Variants in RIN3 observed in about 807,000 individuals in gnomAD.
RIN3 encodes Ras and Rab interactor 3.
RIN3 carries 54 observed loss-of-function variants against 76.3 expected under a neutral mutation model. That is an observed-to-expected ratio of 0.71 (90% confidence interval 0.57 to 0.89). The LOEUF (loss-of-function observed/expected upper bound fraction) is 0.89. Among genes scored for constraint, RIN3 ranks in the 40% least tolerant of loss-of-function variants. The pLI is 0.00. For synonymous variants in RIN3, 576 were observed against 564.0 expected (o/e 1.02, Z -0.30); for missense variants, 1,256 against 1,322.1 (o/e 0.95, Z 0.78).
At chr14:92,533,800 T>G (rs984209820) in intron 1 of RIN3, among the ~76,000 whole-genome samples, 4 of 152,154 alleles carry the variant, frequency 2.6e-5, no homozygotes, top group Admixed American at 2.6e-4. Flanking sequence ...TACCAAAATC[T>G]CAGAAATCAC....
intron 4 of RIN3, among the ~76,000 whole-genome samples, chr14:92,635,487 T>C (rs773411518): frequency 3.9e-5 from 6 of 152,194 alleles, no homozygotes; most frequent in Non-Finnish European, 8.8e-5. Flanking sequence ...GTTTGGTAAA[T>C]TCTGTCATTT....
chr14:92,622,318 C>A (rs1566872551), intron 4 of RIN3, among the ~76,000 whole-genome samples: 1 of 152,186 alleles, frequency 6.6e-6, no homozygotes, highest in South Asian at 2.1e-4. Flanking sequence ...TGGGCACTGG[C>A]ACCACTTTGC....
intron 3 of RIN3, among the ~76,000 whole-genome samples, chr14:92,594,432 CAAAA>C (rs35874661): frequency 2.3e-5 from 3 of 130,552 alleles, no homozygotes; most frequent in Admixed American, 7.6e-5. Flanking sequence ...AACTCTGTCT[CAAAA>C]AAAAAAAAAA....
intron 4 of RIN3, among the ~76,000 whole-genome samples, chr14:92,637,240 C>A (rs1311651780): frequency 6.6e-6 from 1 of 151,706 alleles, no homozygotes; most frequent in Non-Finnish European, 1.5e-5. Context: ...ATGGTCCCAT[C>A]TGGGGGTGAT....
intron 4 of RIN3, among the ~76,000 whole-genome samples, chr14:92,638,273 G>A (rs899067744): frequency 1.3e-5 from 2 of 152,230 alleles, no homozygotes; most frequent in Non-Finnish European, 2.9e-5. Context: ...TCAGAGGTGG[G>A]AAATGAGTGG....
At chr14:92,590,104 G>C (rs1376417915) in intron 3 of RIN3, among the ~76,000 whole-genome samples, 2 of 152,166 alleles carry the variant, frequency 1.3e-5, no homozygotes, top group Admixed American at 1.3e-4. Flanking sequence ...AAAACTCCAG[G>C]GAAGCCAGTC....
intron 3 of RIN3, among the ~76,000 whole-genome samples, chr14:92,606,766 A>G (rs1168692767): frequency 1.3e-5 from 2 of 152,244 alleles, no homozygotes. Context: ...ACAAGTGTTG[A>G]CAAGGGCATG....
At chr14:92,543,991 CT>C (rs777134283) in intron 1 of RIN3, among the ~76,000 whole-genome samples, 11 of 152,118 alleles carry the variant, frequency 7.2e-5, no homozygotes, top group Non-Finnish European at 1.3e-4. Flanking sequence ...CCCTAGCTTC[CT>C]CCATGAACTG....
intron 3 of RIN3, among the ~76,000 whole-genome samples, chr14:92,599,279 C>T (rs949518555): frequency 3.3e-5 from 5 of 151,962 alleles, no homozygotes; most frequent in Admixed American, 1.3e-4. Context: ...GGGAGGTTGC[C>T]GAGGATGAAG....
At chr14:92,540,773 G>A (rs1320316393) in intron 1 of RIN3, among the ~76,000 whole-genome samples, 1 of 152,212 alleles carries the variant, frequency 6.6e-6, no homozygotes, top group Non-Finnish European at 1.5e-5. Context: ...GGCCAGCCTG[G>A]CTTGGAAGAG....
At chr14:92,633,342 C>G (rs967846119) in intron 4 of RIN3, among the ~76,000 whole-genome samples, 9 of 152,184 alleles carry the variant, frequency 5.9e-5, no homozygotes, top group African/African-American at 2.2e-4. Context: ...GGCACCATTA[C>G]CCAAAATGAG....
chr14:92,518,460 C>G (rs1178984482), intron 1 of RIN3, among the ~76,000 whole-genome samples: 1 of 152,134 alleles, frequency 6.6e-6, no homozygotes, highest in Non-Finnish European at 1.5e-5. Flanking sequence ...GCTTGGGGGG[C>G]TAGGAGCCCA....
intron 4 of RIN3, among the ~76,000 whole-genome samples, chr14:92,629,842 C>T (rs1388892197): frequency 6.6e-6 from 1 of 152,224 alleles, no homozygotes; most frequent in Non-Finnish European, 1.5e-5. Flanking sequence ...TCAAACCAGA[C>T]GCATCTCCAA....
At chr14:92,632,736 T>C (rs1163799364) in intron 4 of RIN3, among the ~76,000 whole-genome samples, 2 of 152,098 alleles carry the variant, frequency 1.3e-5, no homozygotes, top group Non-Finnish European at 2.9e-5. Flanking sequence ...GGGAGACTTG[T>C]GGCTCTCTTT....
At chr14:92,572,877 C>CTTTTTT (rs763771909) in intron 2 of RIN3, among the ~76,000 whole-genome samples, 21 of 100,100 alleles carry the variant, frequency 2.1e-4, no homozygotes, top group African/African-American at 3.5e-4. Flanking sequence ...CTTTTTTTTG[C>CTTTTTT]TTTTTTTTTT....
At chr14:92,560,413 C>T (rs1474401758) in intron 2 of RIN3, among the ~76,000 whole-genome samples, 1 of 152,072 alleles carries the variant, frequency 6.6e-6, no homozygotes, top group Non-Finnish European at 1.5e-5. Flanking sequence ...CCTCCCCGTG[C>T]ACCTCTATAT....
chr14:92,676,475 G>A lies in RIN3; in HGVS notation c.2336G>A (p.Gly779Glu). The change falls in exon 8 of 10, where the codon GGG (glycine) becomes GAG (glutamate). Residue 779 changes from glycine (G) to glutamate (E), a missense_variant and splice_region_variant. Around this residue, in one of 3 missense-constraint regions of RIN3, gnomAD observed 428 missense variants for 521.2 expected, o/e 0.82. Coordinates refer to ENST00000216487, the MANE Select transcript of RIN3 (RefSeq NM_024832.5). The part of the protein sequence containing the change: ...IYDSMALGNP[G>E]KPYGADDFLP... ...CCCTCTGCCTCCTTCTTCTTCCCAG[G>A]GAAGCCCTATGGGGCGGATGACTTC... The A allele has an allele frequency of 6.2e-7, 1 of 1,613,646 alleles. No individual in the cohort carries two copies. Among genetic ancestry groups the A allele is most frequent in the Non-Finnish European group, 8.5e-7 (1 of 1,179,636 alleles).
At chr14:92,552,322 A>G (rs1897450009) in intron 1 of RIN3, among the ~76,000 whole-genome samples, 1 of 152,186 alleles carries the variant, frequency 6.6e-6, no homozygotes, top group Non-Finnish European at 1.5e-5. Flanking sequence ...GCTGGGAAGC[A>G]GGTTTATCTC....
At chr14:92,563,460 G>A (rs972656472) in intron 2 of RIN3, among the ~76,000 whole-genome samples, 7 of 152,140 alleles carry the variant, frequency 4.6e-5, no homozygotes, top group African/African-American at 1.7e-4. Flanking sequence ...GATTACTTTG[G>A]ACTAAGCACC....
Sources: gnomAD v4.1 joint callset for allele counts (sites outside exome capture counted in the v4.1 genomes callset) on GRCh38, gnomAD v4.1.1 for gene constraint, gnomAD v4.1.1 regional missense constraint, MANE v1.5 for transcripts, NCBI Gene and HGNC (gene_info 2026-07-23, HGNC 2026-07-21) for gene names.